The following POLRMT variants were observed in gnomAD, a reference collection of about 807,000 sequenced individuals.
POLRMT encodes the protein DNA-directed RNA polymerase, mitochondrial.
A neutral mutation model predicts 132.2 loss-of-function variants in POLRMT; 114 were observed. The observed-to-expected ratio is 0.86, with a 90% CI of 0.74 to 1.01. The LOEUF (loss-of-function observed/expected upper bound fraction) is 1.01, where lower values mean the gene tolerates loss of function less well. Among genes scored for constraint, POLRMT ranks in the 50% least tolerant of loss-of-function variants. The pLI is 0.00. For synonymous variants in POLRMT, 1,020 were observed against 773.4 expected, an observed-to-expected ratio of 1.32 and a Z score of -5.29; for missense variants, 2,003 against 1,729.1, an observed-to-expected ratio of 1.16 and a Z score of -2.81.
chr19:627,645 C>A (rs899596715), intron 3 of POLRMT, among the ~76,000 whole-genome samples: 1 of 151,946 alleles, frequency 6.6e-6, no homozygotes, highest in Non-Finnish European at 1.5e-5. Flanking sequence ...GAATACGTGG[C>A]CGGGCGCGGT....
At chr19:619,547 T>C (rs1308666418) in intron 13 of POLRMT, 39 bp downstream of exon 13, 2 of 1,608,510 alleles carry the variant, frequency 1.2e-6, no homozygotes, top group Admixed American at 3.4e-5. Context: ...TAAATGGCAG[T>C]GAAACCAACG....
chr19:631,337 AAGGGGGGGGGGGACCC>A (rs1253716648), intron 2 of POLRMT, among the ~76,000 whole-genome samples: 1 of 108,956 alleles, frequency 9.2e-6, no homozygotes, highest in African/African-American at 3.6e-5. Flanking sequence ...CAAAAAAAAA[AAGGGGGGGGGGGACCC>A]AGGTGTCCAG....
At chr19:624,224 C>T (rs1984852269) in intron 5 of POLRMT, among the ~76,000 whole-genome samples, 1 of 152,170 alleles carries the variant, frequency 6.6e-6, no homozygotes, top group South Asian at 2.1e-4. Context: ...AAAGGTCTCG[C>T]AGTGTGTGGT....
chr19:620,943 G>GCGC (rs1984505293), intron 10 of POLRMT, 115 bp downstream of exon 10: 1 of 374,380 alleles, frequency 2.7e-6, no homozygotes, highest in Non-Finnish European at 4.2e-6. Flanking sequence ...AGGGGAGGGG[G>GCGC]AGGGGAGGAG....
chr19:619,536 T>A, intron 13 of POLRMT, 50 bp downstream of exon 13: 1 of 1,604,850 alleles, frequency 6.2e-7, no homozygotes, highest in Non-Finnish European at 8.5e-7. Flanking sequence ...CGTCTGAGTT[T>A]TAAATGGCAG....
At chr19:624,992 G>A in intron 4 of POLRMT, 87 bp from the exon 5 acceptor site, 2 of 1,530,518 alleles carry the variant, frequency 1.3e-6, no homozygotes, top group Non-Finnish European at 8.8e-7. Flanking sequence ...ACCACCTCCT[G>A]CTAGCCTGCA....
intron 15 of POLRMT, 79 bp from the exon 16 acceptor site, chr19:618,839 G>C: frequency 1.4e-6 from 2 of 1,479,776 alleles, no homozygotes; most frequent in Non-Finnish European, 1.8e-6. Flanking sequence ...GTACACTGGG[G>C]TAGTGGCACG....
intron 2 of POLRMT, among the ~76,000 whole-genome samples, chr19:632,544 G>A (rs923866256): frequency 1.3e-5 from 2 of 151,514 alleles, no homozygotes; most frequent in South Asian, 2.1e-4. Context: ...GCCGGGGGGG[G>A]GGTCTCTCCA....
chr19:629,781 A>C lies in POLRMT; in HGVS notation c.581T>G (p.Leu194Arg). 3 of 1,569,014 alleles carry C rather than the reference A, an allele frequency of 1.9e-6. No homozygotes were observed. Among genetic ancestry groups the C allele is most frequent in the Non-Finnish European group, 2.6e-6 (3 of 1,158,518 alleles). ...CAGCTTCCCAGGGGCCTCCTGCAGC[A>C]GCCGGGCCAGCTGCTCCTCCCAGGG... ...ESPWEEQLAR[L>R]LQEAPGKLSL... The change falls in exon 3 of 21, where the codon CTG (leucine) becomes CGG (arginine). Residue 194 changes from leucine to arginine, a missense_variant. Physicochemically the swap from Leu to Arg is moderately radical, Grantham distance 102. Coordinates refer to ENST00000588649, the MANE Select transcript of POLRMT (RefSeq NM_005035.4).
rs750945052 is a variant in POLRMT, at chr19:617,296, C to G, written c.3671G>C (p.Arg1224Pro). 3.7e-6 allele frequency: 6 copies of G among 1,612,888 alleles called. No individual in the cohort carries two copies. The highest frequency in any genetic ancestry group is 3.3e-5 in the Admixed American group (2 of 60,026). ...PGAFDLEQVK[R>P]STYFFS is the part of the protein sequence containing the mutation. ...GTGTCAGCTGAAGAAGTAGGTGGAA[C>G]GCTTCACCTGCTCCAGGTCGAAGGC... Residue 1224 changes from arginine to proline, a missense_variant, in exon 21 of 21, where the codon CGT becomes CCT. Arg to Pro is a moderately radical substitution (Grantham distance 103). Coordinates refer to ENST00000588649, the MANE Select transcript of POLRMT (RefSeq NM_005035.4).
chr19:617,861 C>T lies in POLRMT; in HGVS notation c.3423-12G>A, dbSNP rs200249697. ...AGGTCAGGCCCTTCCTGTGGCAGAG[C>T]GGAGGACTCCTGAAGGGAGGGGAGC... On this transcript the variant is annotated splice_polypyrimidine_tract_variant and intron_variant, in intron 17 of 20. Transcript: ENST00000588649. 240 of 1,612,608 alleles carry T rather than the reference C, an allele frequency of 1.5e-4. No individual in the cohort carries two copies. Among genetic ancestry groups the T allele is most frequent in the African/African-American group, 2.7e-4 (20 of 74,996 alleles).
Position 620,396 on chromosome 19 carries a change from G to C in POLRMT, c.2732C>G (p.Ala911Gly), listed in dbSNP as rs1301336919. Residue 911 changes from alanine (A) to glycine (G), a missense_variant, in exon 11 of 21, where the codon GCC (alanine) becomes GGC (glycine). Coordinates refer to ENST00000588649, the MANE Select transcript of POLRMT (RefSeq NM_005035.4). ...VANAVRASDP[A>G]AYVSHLPVHQ... The stretch of plus-strand genomic sequence containing the variant: ...GACGGGGAGGTGGGAGACATAGGCG[G>C]CAGGGTCGGAGGCGCGCACAGCGTT... The C allele has an allele frequency of 1.3e-6, 2 of 1,583,638 alleles. No individual in the cohort carries two copies. Among genetic ancestry groups the C allele is most frequent in the South Asian group, 1.1e-5 (1 of 87,008 alleles).
intron 12 of POLRMT, 96 bp from the exon 13 acceptor site, chr19:619,861 C>T (rs927130474): frequency 6.3e-7 from 1 of 1,575,322 alleles, no homozygotes; most frequent in Non-Finnish European, 8.6e-7. Flanking sequence ...CCCACCACAT[C>T]CTCAGGACAG....
At chr19:622,428 C>T (rs1162516971) in intron 8 of POLRMT, 55 bp from the exon 9 acceptor site, 2 of 1,491,168 alleles carry the variant, frequency 1.3e-6, no homozygotes, top group Non-Finnish European at 1.8e-6. Flanking sequence ...GCTAGATGCC[C>T]CACCGCCCGT....
At chr19:618,400 G>A in intron 17 of POLRMT, 88 bp downstream of exon 17, 1 of 1,065,458 alleles carries the variant, frequency 9.4e-7, no homozygotes, top group Non-Finnish European at 1.4e-6. Context: ...CCTGCCCCCA[G>A]CTAGACCCAG....
chr19:619,308 G>A lies in POLRMT; in HGVS notation c.3067-12C>T, dbSNP rs55877295. 8,911 of 1,608,128 alleles carry A rather than the reference G, an allele frequency of 5.5e-3. 403 individuals carry two copies. In the African/African-American group the frequency reaches 0.099, roughly 18 times the overall value. On this transcript the variant is annotated splice_polypyrimidine_tract_variant and intron_variant, in intron 13 of 20. Coordinates refer to ENST00000588649, the MANE Select transcript of POLRMT (RefSeq NM_005035.4). The stretch of plus-strand genomic sequence containing the variant: ...TCCCACACGAACTCCTGCAGAGGGC[G>A]GGCAGCAGGTGCAGGTCCTCAGGGG...
At chr19:617,712 C>T in intron 18 of POLRMT, 57 bp from the exon 19 acceptor site, 3 of 1,611,056 alleles carry the variant, frequency 1.9e-6, no homozygotes, top group East Asian at 2.2e-5. Context: ...GGCACCACCC[C>T]TACCCAACGC....
In POLRMT at chr19:623,161, C is replaced by A. The variant is rs568044753; in HGVS notation, c.1291-176G>T. Among the ~76,000 whole-genome samples, 12 of 152,338 alleles carry A rather than the reference C, an allele frequency of 7.9e-5. 1 individual carries two copies. Among genetic ancestry groups the A allele is most frequent in the Middle Eastern group, 6.8e-3 (2 of 294 alleles). On this transcript the variant is annotated intron_variant, in intron 6 of 20. Transcript: ENST00000588649. ...TCTGCCGGCTTCAGCGTGCCTGACG[C>A]AGCCAAGAGCAAAAGCCCAGCTGCA...
intron 2 of POLRMT, among the ~76,000 whole-genome samples, chr19:630,877 G>A (rs1985363291): frequency 6.6e-6 from 1 of 152,208 alleles, no homozygotes; most frequent in Admixed American, 6.5e-5. Context: ...TCTATTGCTG[G>A]CCGGGCATGG....
Sources: gnomAD v4.1 joint callset for allele counts (sites outside exome capture counted in the v4.1 genomes callset) on GRCh38, gnomAD v4.1.1 for gene constraint, MANE v1.5 for transcripts, NCBI Gene and HGNC (gene_info 2026-07-23, HGNC 2026-07-21) for gene names.